Variants in EMSY observed in about 807,000 individuals in gnomAD.
EMSY encodes the protein BRCA2-interacting transcriptional repressor EMSY.
Under a neutral mutation model 134.6 loss-of-function variants are expected in EMSY, and 26 were observed. The ratio of observed to expected loss-of-function variants is 0.19; its 90% confidence interval spans 0.14 to 0.27. The LOEUF (loss-of-function observed/expected upper bound fraction) is 0.27. Among genes scored for constraint, EMSY ranks in the 10% least tolerant of loss-of-function variants. The probability of loss-of-function intolerance (pLI) is 1.00; values close to 1 mark genes in which losing one functional copy is unlikely to be tolerated. For missense variants in EMSY, 1,305 were observed against 1,611.4 expected, an observed-to-expected ratio of 0.81 and a Z score of 3.26; for synonymous variants, 579 against 577.8, an observed-to-expected ratio of 1.00 and a Z score of -0.03.
At chr11:76,530,234 A>G (rs777668642) in intron 14 of EMSY, among the ~76,000 whole-genome samples, 12 of 139,512 alleles carry the variant, frequency 8.6e-5, no homozygotes, top group Admixed American at 3.2e-4. Context: ...ATCTCGGCTC[A>G]CTGCAACCTC....
At chr11:76,510,044 G>A (rs572780554) in intron 9 of EMSY, among the ~76,000 whole-genome samples, 7 of 152,224 alleles carry the variant, frequency 4.6e-5, no homozygotes, top group South Asian at 2.1e-4. Context: ...AGAACAAGAC[G>A]CTGTCTCTAA....
exon 12 of EMSY, chr11:76,523,157 A>G (rs1950707545): frequency 6.2e-7 from 1 of 1,606,064 alleles, no homozygotes; most frequent in Admixed American, 1.7e-5. Flanking sequence ...TTTCTAAGGA[A>G]CGACTACCAA....
chr11:76,528,915 A>G (rs1284621874), intron 14 of EMSY, among the ~76,000 whole-genome samples: 1 of 152,182 alleles, frequency 6.6e-6, no homozygotes, highest in Non-Finnish European at 1.5e-5. Flanking sequence ...GTGACTATAC[A>G]TTCCAATTTG....
At chr11:76,463,479 C>T (rs920261874) in intron 6 of EMSY, among the ~76,000 whole-genome samples, 7 of 151,446 alleles carry the variant, frequency 4.6e-5, no homozygotes, top group Admixed American at 6.6e-5. Context: ...AAAAATTAGC[C>T]GGGCGCGGTG....
Position 76,514,698 on chromosome 11 carries a change from G to A in EMSY, c.1513+1163G>A, listed in dbSNP as rs12277813. 4.5e-3 allele frequency among the ~76,000 whole-genome samples: 687 copies of A among 152,116 alleles called. 6 individuals carry two copies. The highest frequency in any genetic ancestry group is 0.015 in the African/African-American group (617 of 41,510). On this transcript the variant is annotated intron_variant, in intron 10 of 20. Coordinates refer to ENST00000334736, the Ensembl canonical transcript of EMSY. ...CATCAACACCATCTATCTCCAAAACGTTTTCATCTTCCGAAACTGAAACTC... is the reference window on the plus strand; with the variant it reads ...CATCAACACCATCTATCTCCAAAACATTTTCATCTTCCGAAACTGAAACTC...
intron 9 of EMSY, among the ~76,000 whole-genome samples, chr11:76,508,170 C>T (rs1243652441): frequency 2.6e-5 from 4 of 152,164 alleles, no homozygotes; most frequent in Non-Finnish European, 5.9e-5. Context: ...CACACCCAGC[C>T]TAAAATTTAT....
chr11:76,518,701 ATATTTT>A (rs1950539318), intron 11 of EMSY, among the ~76,000 whole-genome samples: 1 of 120,474 alleles, frequency 8.3e-6, no homozygotes, highest in Admixed American at 8.7e-5. Flanking sequence ...ATATATATAT[ATATTTT>A]TTTTTTAATT....
chr11:76,491,547 C>G lies in EMSY; in HGVS notation c.1109-4668C>G, dbSNP rs529251125. On this transcript the variant is annotated intron_variant, in intron 8 of 20. Coordinates refer to ENST00000334736, the Ensembl canonical transcript of EMSY. ...TGGATGCCTATCTCAACCTGGTCAG[C>G]TCTGACAGCCATGCCAGGGCCAGGT... is the stretch of plus-strand genomic sequence containing the variant. 2.0e-5 allele frequency among the ~76,000 whole-genome samples: 3 copies of G among 152,336 alleles called. No individual in the cohort carries two copies. The South Asian group carries it at 6.2e-4, about 32-fold the overall frequency.
intron 20 of EMSY, among the ~76,000 whole-genome samples, chr11:76,547,487 G>A (rs1397549556): frequency 6.6e-6 from 1 of 152,202 alleles, no homozygotes; most frequent in African/African-American, 2.4e-5. Flanking sequence ...TGGTGGAAAA[G>A]GAATGGTTTT....
chr11:76,542,092 C>T (rs1452716237), intron 17 of EMSY, 124 bp from the exon 19 acceptor site: 1 of 1,244,476 alleles, frequency 8.0e-7, no homozygotes, highest in East Asian at 2.3e-5. Flanking sequence ...TCTTCTGCCT[C>T]CTAGTTCACA....
At chr11:76,540,307 T>A (rs1351613773) in intron 17 of EMSY, among the ~76,000 whole-genome samples, 16 of 152,212 alleles carry the variant, frequency 1.1e-4, no homozygotes. Flanking sequence ...TTGCTTAATT[T>A]TAATATTATT....
chr11:76,454,531 C>T (rs536595852), intron 4 of EMSY, among the ~76,000 whole-genome samples: 3 of 151,958 alleles, frequency 2.0e-5, no homozygotes, highest in African/African-American at 7.3e-5. Flanking sequence ...ATGGTAACTG[C>T]GCCTAGATTC....
At chr11:76,482,949 GTCAGAT>G (rs1949039002) in intron 8 of EMSY, among the ~76,000 whole-genome samples, 2 of 152,132 alleles carry the variant, frequency 1.3e-5, no homozygotes, top group South Asian at 4.1e-4. Context: ...ACACATAATC[GTCAGAT>G]TCACCAAGGT....
chr11:76,528,388 A>G (rs780237311), exon 14 of EMSY: 6 of 1,612,464 alleles, frequency 3.7e-6, no homozygotes, highest in Non-Finnish European at 4.2e-6. Flanking sequence ...TAATTCATCT[A>G]TTCAGGAAGG....
At chr11:76,538,387 G>C (rs1951304913) in intron 16 of EMSY, among the ~76,000 whole-genome samples, 1 of 152,126 alleles carries the variant, frequency 6.6e-6, no homozygotes, top group Non-Finnish European at 1.5e-5. Context: ...AGCCTCCTGA[G>C]TAGCTGGGAC....
chr11:76,473,530 A>G (rs899331753), intron 8 of EMSY, among the ~76,000 whole-genome samples: 9 of 151,774 alleles, frequency 5.9e-5, no homozygotes, highest in Admixed American at 2.0e-4. Context: ...GCTGGTCTGG[A>G]ACTCCGGAGT....
At chr11:76,455,484 T>C (rs983775627) in intron 4 of EMSY, among the ~76,000 whole-genome samples, 2 of 152,032 alleles carry the variant, frequency 1.3e-5, no homozygotes, top group African/African-American at 2.4e-5. Flanking sequence ...TAGGAGGGCT[T>C]CATACTCCAA....
In EMSY at chr11:76,526,942, G is replaced by C. The variant is rs567132218; in HGVS notation, c.1995+307G>C. On this transcript the variant is annotated intron_variant, in intron 13 of 20. Transcript: ENST00000334736. Reference sequence around the variant, plus strand: ...GGGGGGTGGTTGAGGGAGGATCATAGTCATTCAGAATCACTCAAAGAAAAA... The same window carrying C: ...GGGGGGTGGTTGAGGGAGGATCATACTCATTCAGAATCACTCAAAGAAAAA... Among the ~76,000 whole-genome samples, 3 of 152,218 alleles carry C rather than the reference G, an allele frequency of 2.0e-5. No individual in the cohort carries two copies. The South Asian group carries it at 6.2e-4, about 32-fold the overall frequency.
At chr11:76,507,163 C>T (rs747413431) in intron 9 of EMSY, among the ~76,000 whole-genome samples, 4 of 152,172 alleles carry the variant, frequency 2.6e-5, no homozygotes, top group Admixed American at 1.3e-4. Context: ...TAAAATACTT[C>T]ATTGCTAAAA....
Sources: allele counts gnomAD v4.1 joint callset (sites outside exome capture counted in the v4.1 genomes callset), GRCh38; gene constraint gnomAD v4.1.1; transcripts MANE v1.5; gene names NCBI Gene and HGNC (gene_info 2026-07-23, HGNC 2026-07-21).